MFHAS1: variants seen among roughly 807,000 people sequenced by gnomAD.
MFHAS1 encodes the protein malignant fibrous histiocytoma-amplified sequence 1.
In MFHAS1, 50 loss-of-function variants were observed where a neutral mutation model predicts 70.4. The observed-to-expected ratio is 0.71, with a 90% CI of 0.57 to 0.90. The LOEUF (loss-of-function observed/expected upper bound fraction) is 0.90. Among genes scored for constraint, MFHAS1 ranks in the 40% least tolerant of loss-of-function variants. MFHAS1 has a pLI of 0.00. For missense variants in MFHAS1, 1,795 were observed against 1,347.6 expected (o/e 1.33, Z -5.20); for synonymous variants, 952 against 620.0 (o/e 1.54, Z -7.96).
rs377141443 is a variant in MFHAS1, at chr8:8,892,185, G to C, written c.874C>G (p.Leu292Val). ...TCCTCCAGACCAGCCAGGGGCAGCA[G>C]CGCGGCAGGGAACTCCTCGAAGAGG... ...SNLFEEFPAA[L>V]LPLAGLEELY... The change falls in exon 1 of 3, where the codon CTG becomes GTG. Residue 292 changes from leucine to valine, a missense_variant. Physicochemically the swap from Leu to Val is conservative, Grantham distance 32. Transcript: ENST00000276282. The surrounding 1 kb of genome is among the most constrained non-coding windows in gnomAD (Gnocchi z 4.7). 23 of 1,610,234 alleles carry C rather than the reference G, an allele frequency of 1.4e-5. No individual in the cohort carries two copies. In the East Asian group the frequency reaches 2.0e-4, roughly 14 times the overall value.
At position 8,891,763 on chromosome 8, in the gene MFHAS1, C is replaced by A. The variant is rs761492453; in HGVS notation, c.1296G>T (p.Glu432Asp). ...KTLLRHCLTE[E>D]RVEGCPGGGD... is the part of the protein sequence containing the mutation. ...CTCCTCCTGGGCATCCCTCCACTCT[C>A]TCCTCGGTGAGGCAGTGGCGCAGCA... The change falls in exon 1 of 3, where the codon GAG becomes GAT. Residue 432 changes from glutamate (E) to aspartate (D), a missense_variant. Glu to Asp is a conservative substitution (Grantham distance 45). Coordinates refer to ENST00000276282, the MANE Select transcript of MFHAS1 (RefSeq NM_004225.3). The surrounding 1 kb of genome is among the most constrained non-coding windows in gnomAD (Gnocchi z 5.4). The A allele has an allele frequency of 6.2e-6, 10 of 1,613,452 alleles. No homozygotes were observed. The South Asian group carries it at 7.7e-5, about 12-fold the overall frequency.
At chr8:8,824,619 G>C (rs1807089150) in intron 1 of MFHAS1, among the ~76,000 whole-genome samples, 1 of 151,220 alleles carries the variant, frequency 6.6e-6, no homozygotes, top group Non-Finnish European at 1.5e-5. Flanking sequence ...ATATCTATAA[G>C]AAGGTCACTC....
chr8:8,892,126 C>T lies in MFHAS1; in HGVS notation c.933G>A (p.Val311=), dbSNP rs1810081323. The change falls in exon 1 of 3, where the codon GTG becomes GTA. Residue 311 remains valine (V), a synonymous_variant. Transcript: ENST00000276282. The surrounding 1 kb of genome is among the most constrained non-coding windows in gnomAD (Gnocchi z 4.7). ...LYLSRNQLTS[V]PSLISGLGRL... ...GGCCCAGGCCCGAGATAAGGGATGG[C>T]ACCGAGGTGAGCTGGTTGCGACTAA... is the stretch of plus-strand genomic sequence containing the variant. The T allele has an allele frequency of 6.2e-7, 1 of 1,612,460 alleles. No individual in the cohort carries two copies. The highest frequency in any genetic ancestry group is 1.3e-5 in the African/African-American group (1 of 74,938).
At chr8:8,806,969 A>G (rs1806313270) in intron 1 of MFHAS1, among the ~76,000 whole-genome samples, 1 of 152,112 alleles carries the variant, frequency 6.6e-6, no homozygotes, top group Non-Finnish European at 1.5e-5. Context: ...TCAAAAAAAA[A>G]AAGAAAACAC....
chr8:8,846,062 G>A (rs964976357), intron 1 of MFHAS1, among the ~76,000 whole-genome samples: 3 of 151,860 alleles, frequency 2.0e-5, no homozygotes, highest in Non-Finnish European at 4.4e-5. Context: ...AGACCAGCCT[G>A]GACAACATGG....
chr8:8,854,465 G>A (rs964540553), intron 1 of MFHAS1, among the ~76,000 whole-genome samples: 5 of 151,846 alleles, frequency 3.3e-5, no homozygotes, highest in Non-Finnish European at 4.4e-5. Flanking sequence ...TACTTGCAGT[G>A]AGCTGAGATC....
chr8:8,874,305 T>G (rs1261641874), intron 1 of MFHAS1, among the ~76,000 whole-genome samples: 1 of 151,238 alleles, frequency 6.6e-6, no homozygotes, highest in Non-Finnish European at 1.5e-5. Context: ...TACTATGCTA[T>G]ATTTGTAGGA....
At chr8:8,819,185 C>T (rs1243569077) in intron 1 of MFHAS1, among the ~76,000 whole-genome samples, 3 of 152,098 alleles carry the variant, frequency 2.0e-5, no homozygotes, top group Non-Finnish European at 4.4e-5. Flanking sequence ...GCATACAAAA[C>T]ACTGTTTCTA....
At position 8,786,028 on chromosome 8, in the gene MFHAS1, G is replaced by C. The variant is rs561250716; in HGVS notation, c.3153C>G (p.Asn1051Lys). ...SKKNVGEKHRNQ is the reference protein window; with the variant it reads ...SKKNVGEKHRKQ ...AATTCCACAGCCACAAACGTCACTGGTTTCTGTGCTTTTCACCAACATTCT... is the reference window on the plus strand; with the variant it reads ...AATTCCACAGCCACAAACGTCACTGCTTTCTGTGCTTTTCACCAACATTCT... The change falls in exon 3 of 3, where the codon AAC becomes AAG. Residue 1051 changes from asparagine (N) to lysine (K), a missense_variant. Asn to Lys is a moderately conservative substitution (Grantham distance 94). Transcript: ENST00000276282. The C allele has an allele frequency of 6.2e-7, 1 of 1,614,082 alleles. No homozygotes were observed. Among genetic ancestry groups the C allele is most frequent in the African/African-American group, 1.3e-5 (1 of 75,018 alleles).
intron 1 of MFHAS1, among the ~76,000 whole-genome samples, chr8:8,876,719 T>A (rs1236871106): frequency 6.6e-6 from 1 of 151,844 alleles, no homozygotes; most frequent in Non-Finnish European, 1.5e-5. Flanking sequence ...TAAAAGAGCA[T>A]AAGGTGTTCA....
At chr8:8,854,588 G>C (rs923359530) in intron 1 of MFHAS1, among the ~76,000 whole-genome samples, 1 of 151,720 alleles carries the variant, frequency 6.6e-6, no homozygotes, top group African/African-American at 2.4e-5. Context: ...AGGAGGCCGA[G>C]GTATGAGAAT....
At chr8:8,859,821 C>G (rs546351604) in intron 1 of MFHAS1, among the ~76,000 whole-genome samples, 238 of 152,276 alleles carry the variant, frequency 1.6e-3, no homozygotes, top group African/African-American at 5.5e-3. Flanking sequence ...TCTGCAAAGT[C>G]AAAAGTTAGA....
Position 8,852,089 on chromosome 8 carries a change from G to A in MFHAS1, c.2998+37972C>T, listed in dbSNP as rs150055304. On this transcript the variant is annotated intron_variant, in intron 1 of 2. Coordinates refer to ENST00000276282, the MANE Select transcript of MFHAS1 (RefSeq NM_004225.3). ...AAGGAGACCCCTCTCCAGCACCATG[G>A]GAGTCGCACCCTTAGCAGATATTCT... Among the ~76,000 whole-genome samples, 267 of 152,228 alleles carry A rather than the reference G, an allele frequency of 1.8e-3. 2 individuals carry two copies. Among genetic ancestry groups the A allele is most frequent in the African/African-American group, 6.0e-3 (248 of 41,542 alleles).
intron 1 of MFHAS1, among the ~76,000 whole-genome samples, chr8:8,849,064 C>CA (rs1808142066): frequency 1.3e-5 from 1 of 75,772 alleles, no homozygotes; most frequent in South Asian, 6.2e-4. Flanking sequence ...TCCTTTTTAC[C>CA]TTTTTTTTTT....
intron 2 of MFHAS1, among the ~76,000 whole-genome samples, chr8:8,792,875 A>G (rs1805764847): frequency 6.6e-6 from 1 of 152,224 alleles, no homozygotes. Flanking sequence ...TGAGGAGGCC[A>G]GAATTTTTCA....
Position 8,882,427 on chromosome 8 carries a change from C to A in MFHAS1, c.2998+7634G>T, listed in dbSNP as rs113226069. On this transcript the variant is annotated intron_variant, in intron 1 of 2. Coordinates refer to ENST00000276282, the MANE Select transcript of MFHAS1 (RefSeq NM_004225.3). ...AAACAAACAAACAAAATATCATAAA[C>A]AACCAAAAAAGCACTTGCCAGGCAT... is the stretch of plus-strand genomic sequence containing the variant. 6.6e-3 allele frequency among the ~76,000 whole-genome samples: 1,002 copies of A among 151,816 alleles called. 11 individuals are homozygous for A. Among genetic ancestry groups the A allele is most frequent in the African/African-American group, 0.023 (971 of 41,424 alleles).
At chr8:8,808,290 T>C (rs1806409728) in intron 1 of MFHAS1, among the ~76,000 whole-genome samples, 1 of 151,832 alleles carries the variant, frequency 6.6e-6, no homozygotes. Flanking sequence ...CTCTGCCCAG[T>C]GTCCCCACAC....
chr8:8,850,758 A>C, intron 1 of MFHAS1, among the ~76,000 whole-genome samples: 1 of 150,072 alleles, frequency 6.7e-6, no homozygotes, highest in Non-Finnish European at 1.5e-5. Flanking sequence ...CCAGGAGGCG[A>C]AGGTTACAGT....
At chr8:8,814,849 CTTTTT>C (rs34438669) in intron 1 of MFHAS1, among the ~76,000 whole-genome samples, 5 of 130,428 alleles carry the variant, frequency 3.8e-5, no homozygotes, top group African/African-American at 2.8e-5. Context: ...GCTAGAATTT[CTTTTT>C]TTTTTTTTTT....
Sources: gnomAD v4.1 joint callset for allele counts (sites outside exome capture counted in the v4.1 genomes callset) on GRCh38, gnomAD v4.1.1 for gene constraint, Gnocchi (gnomAD v3.1) non-coding constraint, MANE v1.5 for transcripts, NCBI Gene and HGNC (gene_info 2026-07-23, HGNC 2026-07-21) for gene names.